LAMA1: variants seen among roughly 807,000 people sequenced by gnomAD.
LAMA1 encodes laminin subunit alpha-1.
In LAMA1, 219 loss-of-function variants were observed where a neutral mutation model predicts 348.7. That is an observed-to-expected ratio of 0.63 (90% CI 0.56 to 0.70). The LOEUF is 0.70. Ranked by LOEUF, LAMA1 falls within the 30% of genes least tolerant of loss-of-function variation. The probability of loss-of-function intolerance (pLI) is 0.00; values close to 1 mark genes in which losing one functional copy is unlikely to be tolerated. For synonymous variants in LAMA1, 1,487 were observed against 1,491.0 expected (o/e 1.00, Z 0.06); for missense variants, 3,744 against 3,888.0 (o/e 0.96, Z 0.99).
chr18:7,015,944 A>G, intron 21 of LAMA1, 86 bp from the exon 22 acceptor site: 1 of 1,525,014 alleles, frequency 6.6e-7, no homozygotes, highest in Non-Finnish European at 9.0e-7. Context: ...CCTTTTATTA[A>G]GAGTCCAAGC....
chr18:6,997,958 G>A (rs1403718704), intron 32 of LAMA1, 74 bp from the exon 33 acceptor site: 31 of 1,406,130 alleles, frequency 2.2e-5, no homozygotes, highest in Non-Finnish European at 2.7e-5. Context: ...ATGGAGTTGC[G>A]CAAGTTGTTT....
At chr18:7,003,179 GGC>G (rs2057815683) in intron 29 of LAMA1, among the ~76,000 whole-genome samples, 1 of 151,590 alleles carries the variant, frequency 6.6e-6, no homozygotes, top group Admixed American at 6.6e-5. Context: ...CACCCCATGT[GGC>G]ATTTCCAGTT....
intron 1 of LAMA1, among the ~76,000 whole-genome samples, chr18:7,100,706 T>C (rs566919562): frequency 2.4e-4 from 36 of 152,142 alleles, no homozygotes; most frequent in African/African-American, 8.7e-4. Flanking sequence ...CCGAGAGAAG[T>C]AGACACAAAA....
intron 3 of LAMA1, among the ~76,000 whole-genome samples, chr18:7,055,441 G>A (rs775658024): frequency 1.3e-4 from 14 of 110,382 alleles, no homozygotes; most frequent in Non-Finnish European, 1.7e-4. Context: ...GTGACAGAGT[G>A]AAACTCCGTC....
chr18:7,092,363 G>C (rs989772954), intron 1 of LAMA1, among the ~76,000 whole-genome samples: 3 of 152,104 alleles, frequency 2.0e-5, no homozygotes, highest in Non-Finnish European at 4.4e-5. Context: ...GGCTGGGTGC[G>C]GTGGCTCATG....
At chr18:7,074,226 T>G (rs1419676615) in intron 3 of LAMA1, among the ~76,000 whole-genome samples, 1 of 152,144 alleles carries the variant, frequency 6.6e-6, no homozygotes, top group Non-Finnish European at 1.5e-5. Flanking sequence ...TCACCAACAC[T>G]TATTATTTTC....
chr18:6,954,212 G>A (rs1286745414), intron 57 of LAMA1: 1 of 152,322 alleles, frequency 6.6e-6, no homozygotes, highest in Non-Finnish European at 1.5e-5. Flanking sequence ...GCTCAAACCA[G>A]CTAGGAAGGA....
At chr18:6,998,080 C>T (rs1299464241) in intron 32 of LAMA1, among the ~76,000 whole-genome samples, 196 bp from the exon 33 acceptor site, 1 of 152,146 alleles carries the variant, frequency 6.6e-6, no homozygotes, top group East Asian at 1.9e-4. Flanking sequence ...TGCTAGGCCC[C>T]TATTCAATGA....
At chr18:7,012,601 G>C (rs1236389479) in intron 23 of LAMA1, among the ~76,000 whole-genome samples, 1 of 150,614 alleles carries the variant, frequency 6.6e-6, no homozygotes, top group South Asian at 2.1e-4. Flanking sequence ...CACCCCCCGG[G>C]TTCAAGCGAT....
chr18:7,010,377 G>A lies in LAMA1; in HGVS notation c.3696C>T (p.Ala1232=). 6.2e-7 allele frequency: 1 copy of A among 1,613,918 alleles called. No individual in the cohort carries two copies. Among genetic ancestry groups the A allele is most frequent in the Non-Finnish European group, 8.5e-7 (1 of 1,179,982 alleles). The change falls in exon 26 of 63, where the codon GCC becomes GCT. Residue 1232 remains alanine (A), a synonymous_variant. Coordinates refer to ENST00000389658, the MANE Select transcript of LAMA1 (RefSeq NM_005559.4). ...CGCTGTACTTCAGTTTGCCACCATA[G>A]GCCATGAGCTATCAAATAATAAAGT... The part of the protein sequence containing the change: ...PQQFQGDQLM[A]YGGKLKYSVA...
chr18:7,093,413 CA>C (rs534152928), intron 1 of LAMA1, among the ~76,000 whole-genome samples: 3 of 148,590 alleles, frequency 2.0e-5, no homozygotes, highest in Admixed American at 1.3e-4. Flanking sequence ...CAGACTCGGT[CA>C]AAAAAAAAGG....
At chr18:7,055,152 G>A (rs1202617109) in intron 3 of LAMA1, among the ~76,000 whole-genome samples, 1 of 151,008 alleles carries the variant, frequency 6.6e-6, no homozygotes, top group African/African-American at 2.4e-5. Context: ...ATATATATAT[G>A]TATATATAAA....
chr18:7,112,051 A>G (rs1035924743), intron 1 of LAMA1, among the ~76,000 whole-genome samples: 10 of 151,488 alleles, frequency 6.6e-5, no homozygotes, highest in Non-Finnish European at 1.5e-4. Flanking sequence ...TATATCATAA[A>G]TCTTAAAATT....
In LAMA1 at chr18:6,979,488, CA is replaced by C. The variant is rs2057698423; in HGVS notation, c.6007+1032del. ...TTCAAGGCCAATCTGGGCAACATAG[CA>C]AGACACGGTCTCTATAAAACAATTG... On this transcript the variant is annotated intron_variant, in intron 42 of 62. Transcript: ENST00000389658. Among the ~76,000 whole-genome samples the C allele has an allele frequency of 2.6e-5, 4 of 152,070 alleles. No individual in the cohort carries two copies. The South Asian group carries it at 8.3e-4, about 32-fold the overall frequency.
chr18:7,094,240 C>T (rs2058251240), intron 1 of LAMA1, among the ~76,000 whole-genome samples: 1 of 151,760 alleles, frequency 6.6e-6, no homozygotes, highest in East Asian at 2.0e-4. Context: ...CTGGCTAACA[C>T]AGTGAAACCC....
In LAMA1 at chr18:7,036,056, C is replaced by T. The variant is rs147447578; in HGVS notation, c.1770G>A (p.Thr590=). 6.1e-5 allele frequency: 99 copies of T among 1,614,088 alleles called. 1 individual carries two copies. In the African/African-American group the frequency reaches 8.9e-4, roughly 15 times the overall value. Residue 590 remains threonine (T), a synonymous_variant, in exon 13 of 63, where the codon ACG becomes ACA. Coordinates refer to ENST00000389658, the MANE Select transcript of LAMA1 (RefSeq NM_005559.4). Reference sequence around the variant, plus strand: ...TCTCTACCGGAATATCGTAGGACACCGTGTATTTCAGGAATCCGCCAAACG... The same window carrying T: ...TCTCTACCGGAATATCGTAGGACACTGTGTATTTCAGGAATCCGCCAAACG... ...LTAFGGFLKY[T]VSYDIPVETV... is the part of the protein sequence containing the mutation.
chr18:7,100,634 C>A (rs2058287707), intron 1 of LAMA1, among the ~76,000 whole-genome samples: 2 of 152,276 alleles, frequency 1.3e-5, no homozygotes, highest in South Asian at 4.2e-4. Flanking sequence ...GAATACCATT[C>A]AGCAATAAAG....
chr18:7,008,577 T>TTCTGCCAACC lies in LAMA1; in HGVS notation c.4023_4032dup (p.Lys1345GlyfsTer6), dbSNP rs776284442. ...TCTTCTGGGTGCAGCTTTTCAGCCT[T>TTCTGCCAACC]TCTGCCAACCTCCATTGAAATGTCT... On this transcript the variant is annotated frameshift_variant, in exon 28 of 63. Transcript: ENST00000389658. LOFTEE classifies it high-confidence loss of function. 3 of 1,614,074 alleles carry TTCTGCCAACC rather than the reference T, an allele frequency of 1.9e-6. No homozygotes were observed. In the African/African-American group the frequency reaches 4.0e-5, roughly 22 times the overall value.
rs35419107 is a variant in LAMA1, at chr18:7,084,074, G to GAAA, written c.62-3620_62-3618dup. Among the ~76,000 whole-genome samples the GAAA allele has an allele frequency of 4.4e-3, 218 of 49,586 alleles. 7 individuals carry two copies. Among genetic ancestry groups the GAAA allele is most frequent in the Non-Finnish European group, 6.5e-3 (170 of 26,326 alleles). 32.5% of individuals were successfully genotyped at this position (49,586 alleles called of 152,430 possible). On this transcript the variant is annotated intron_variant, in intron 1 of 62. Transcript: ENST00000389658. ...GGCAACAGAGTGAGATTCTGTCTCA[G>GAAA]AAAAAAAAAAAAAAAAAAAAAAAAA... is the stretch of plus-strand genomic sequence containing the variant.
Sources: gnomAD v4.1 joint callset for allele counts (sites outside exome capture counted in the v4.1 genomes callset) on GRCh38, gnomAD v4.1.1 for gene constraint, MANE v1.5 for transcripts, NCBI Gene and HGNC (gene_info 2026-07-23, HGNC 2026-07-21) for gene names.